USP12: variants seen among roughly 807,000 people sequenced by gnomAD.
USP12 encodes ubiquitin specific peptidase 12, also known as ubiquitin carboxyl-terminal hydrolase 12.
In USP12, 19 loss-of-function variants were observed where a neutral mutation model predicts 45.5. The ratio of observed to expected loss-of-function variants is 0.42; its 90% CI spans 0.29 to 0.61. The LOEUF is 0.61. Ranked by LOEUF, USP12 falls within the 20% of genes least tolerant of loss-of-function variation. The pLI is 0.22. For synonymous variants in USP12, 149 were observed against 148.8 expected, an observed-to-expected ratio of 1.00 and a Z score of -0.01; for missense variants, 242 against 447.7, an observed-to-expected ratio of 0.54 and a Z score of 4.15.
chr13:27,109,139 A>G (rs540191227), intron 2 of USP12, among the ~76,000 whole-genome samples: 1 of 152,356 alleles, frequency 6.6e-6, no homozygotes, highest in East Asian at 1.9e-4. Context: ...TGTTTATAAA[A>G]TAAGTCCAGT....
chr13:27,102,100 C>T (rs1313908009), intron 3 of USP12, among the ~76,000 whole-genome samples: 1 of 152,164 alleles, frequency 6.6e-6, no homozygotes, highest in Non-Finnish European at 1.5e-5. Context: ...TGCCCCCAAA[C>T]AATAACTGAA....
chr13:27,119,394 C>A (rs989088763), intron 1 of USP12, among the ~76,000 whole-genome samples: 68 of 152,230 alleles, frequency 4.5e-4, no homozygotes, highest in Admixed American at 3.1e-3. Context: ...GGACAGCAGG[C>A]CAAGAGGAGT....
At chr13:27,148,495 G>A (rs1183563104) in intron 1 of USP12, among the ~76,000 whole-genome samples, 4 of 151,346 alleles carry the variant, frequency 2.6e-5, no homozygotes, top group African/African-American at 9.7e-5. Context: ...CCAACATAGC[G>A]AAACCCCGTC....
At chr13:27,119,193 CA>C (rs1875873783) in intron 1 of USP12, among the ~76,000 whole-genome samples, 1 of 152,090 alleles carries the variant, frequency 6.6e-6, no homozygotes, top group South Asian at 2.1e-4. Context: ...CTGCTCCGTG[CA>C]AAAGCTAAGA....
intron 8 of USP12, 152 bp downstream of exon 8, chr13:27,070,919 G>A: frequency 1.6e-6 from 1 of 620,714 alleles, no homozygotes; most frequent in Non-Finnish European, 2.7e-6. Flanking sequence ...GGACGTTGCA[G>A]AGTAAGAAGT....
chr13:27,086,183 A>ATATATAT (rs1555233200), intron 6 of USP12, among the ~76,000 whole-genome samples: 519 of 39,112 alleles, frequency 0.013, 8 homozygotes, highest in Non-Finnish European at 0.02. Flanking sequence ...TTAAAAAAAA[A>ATATATAT]AAAAAAAAAA....
chr13:27,103,408 C>G (rs1874961249), intron 3 of USP12, among the ~76,000 whole-genome samples: 1 of 149,886 alleles, frequency 6.7e-6, no homozygotes. Flanking sequence ...AAATGCTTTT[C>G]TATTAAAAAA....
At chr13:27,101,831 C>T (rs1874874463) in intron 3 of USP12, among the ~76,000 whole-genome samples, 1 of 152,078 alleles carries the variant, frequency 6.6e-6, no homozygotes, top group Non-Finnish European at 1.5e-5. Flanking sequence ...TATTTGTGAA[C>T]AACTAAAATT....
chr13:27,069,473 T>C, intron 8 of USP12, 89 bp from the exon 9 acceptor site: 1 of 981,870 alleles, frequency 1.0e-6, no homozygotes, highest in Non-Finnish European at 1.6e-6. Flanking sequence ...TACCAAGTAT[T>C]TGGTGAAAAT....
chr13:27,165,832 C>A (rs1468883033), intron 1 of USP12, among the ~76,000 whole-genome samples: 1 of 152,028 alleles, frequency 6.6e-6, no homozygotes. Context: ...AAGTGAAATT[C>A]TTGCTTAATT....
At position 27,151,362 on chromosome 13, in the gene USP12, A is replaced by G. The variant is rs540429936; in HGVS notation, c.48+20230T>C. ...ATTAGATAAATTAGACTTCATCAAA[A>G]TCAAAATTAAATTTTGTGCTTCAAA... On this transcript the variant is annotated intron_variant, in intron 1 of 8. Transcript: ENST00000282344. Among the ~76,000 whole-genome samples the G allele has an allele frequency of 9.8e-5, 15 of 152,320 alleles. No homozygotes were observed. In the South Asian group the frequency reaches 3.1e-3, roughly 32 times the overall value.
In USP12 at chr13:27,171,785, C is replaced by T; in HGVS notation, c.-146G>A. 3.5e-6 allele frequency: 1 copy of T among 282,542 alleles called. No individual in the cohort carries two copies. 17.5% of individuals were successfully genotyped at this position (282,542 alleles called of 1,614,324 possible). A position where few individuals can be genotyped will look rare whatever the true frequency, so the allele number is the denominator to read the frequency against. On this transcript the variant is annotated 5_prime_UTR_variant, in exon 1 of 9. Coordinates refer to ENST00000282344, the MANE Select transcript of USP12 (RefSeq NM_182488.4). Reference sequence around the variant, plus strand: ...ACCGAGCCCGCTGGGCCGCCGCTGCCGTCGTCGCCGCCGGCGCTCAGGCAC... The same window carrying T: ...ACCGAGCCCGCTGGGCCGCCGCTGCTGTCGTCGCCGCCGGCGCTCAGGCAC...
chr13:27,124,138 A>C (rs1319382729), intron 1 of USP12, among the ~76,000 whole-genome samples: 3 of 152,212 alleles, frequency 2.0e-5, no homozygotes, highest in Non-Finnish European at 2.9e-5. Flanking sequence ...CATACAACTA[A>C]CTACCTTTCA....
At chr13:27,145,816 C>A (rs1323069376) in intron 1 of USP12, among the ~76,000 whole-genome samples, 1 of 151,570 alleles carries the variant, frequency 6.6e-6, no homozygotes, top group Non-Finnish European at 1.5e-5. Context: ...GTCTTGGTCC[C>A]CAAGAGGTTA....
intron 2 of USP12, among the ~76,000 whole-genome samples, chr13:27,112,575 A>G (rs1875507203): frequency 6.6e-6 from 1 of 152,136 alleles, no homozygotes; most frequent in Non-Finnish European, 1.5e-5. Flanking sequence ...AGCATGAGCC[A>G]CTGTGGCCAG....
At chr13:27,087,099 C>CTGTGTGTGTGTG (rs72206222) in intron 6 of USP12, among the ~76,000 whole-genome samples, 1 of 147,066 alleles carries the variant, frequency 6.8e-6, no homozygotes, top group East Asian at 2.0e-4. Flanking sequence ...GGGGAAGGGG[C>CTGTGTGTGTGTG]TGTGTGTGTG....
intron 1 of USP12, among the ~76,000 whole-genome samples, chr13:27,131,226 T>C (rs747801885): frequency 6.6e-6 from 1 of 152,190 alleles, no homozygotes; most frequent in Admixed American, 6.5e-5. Context: ...ACTTTAGCCA[T>C]AGCAGGCCAG....
intron 6 of USP12, among the ~76,000 whole-genome samples, chr13:27,079,505 G>A (rs1593172704): frequency 6.6e-6 from 1 of 152,108 alleles, no homozygotes; most frequent in South Asian, 2.1e-4. Flanking sequence ...AAAGGACTAG[G>A]GGAGGAGCTG....
chr13:27,082,247 C>T (rs1403109911), intron 6 of USP12, among the ~76,000 whole-genome samples: 2 of 152,214 alleles, frequency 1.3e-5, no homozygotes, highest in Non-Finnish European at 2.9e-5. Context: ...ATCTAGATAA[C>T]TTACTGCTGC....
Sources: allele counts gnomAD v4.1 joint callset (sites outside exome capture counted in the v4.1 genomes callset), GRCh38; gene constraint gnomAD v4.1.1; transcripts MANE v1.5; gene names NCBI Gene and HGNC (gene_info 2026-07-23, HGNC 2026-07-21).